The following SLC10A7 variants were observed in gnomAD, a reference collection of about 807,000 sequenced individuals.
SLC10A7 encodes the protein solute carrier family 10 member 7, also known as sodium/bile acid cotransporter 7.
Under a neutral mutation model 43.2 loss-of-function variants are expected in SLC10A7, and 29 were observed. The ratio of observed to expected loss-of-function variants is 0.67; its 90% CI spans 0.50 to 0.92. SLC10A7 has a LOEUF of 0.92. SLC10A7 is among the 40% of genes least tolerant of loss of function. The pLI is 0.00. For missense variants in SLC10A7, 295 were observed against 403.2 expected, an observed-to-expected ratio of 0.73 and a Z score of 2.30; for synonymous variants, 152 against 144.8, an observed-to-expected ratio of 1.05 and a Z score of -0.35.
At chr4:146,377,891 T>C (rs1579033819) in intron 5 of SLC10A7, among the ~76,000 whole-genome samples, 1 of 152,174 alleles carries the variant, frequency 6.6e-6, no homozygotes, top group East Asian at 1.9e-4. Context: ...TCAAACTTCA[T>C]AGGTTTATAT....
At chr4:146,277,511 C>G (rs1729282804) in intron 10 of SLC10A7, among the ~76,000 whole-genome samples, 2 of 152,122 alleles carry the variant, frequency 1.3e-5, no homozygotes, top group South Asian at 4.1e-4. Context: ...CAGACACTCC[C>G]TCACTTTTCT....
intron 6 of SLC10A7, among the ~76,000 whole-genome samples, chr4:146,318,984 C>T (rs993156054): frequency 4.6e-5 from 7 of 152,064 alleles, no homozygotes; most frequent in Non-Finnish European, 1.0e-4. Flanking sequence ...ATATCATTAG[C>T]TTTCTAACTG....
At chr4:146,299,417 G>A (rs1205784740) in intron 7 of SLC10A7, among the ~76,000 whole-genome samples, 1 of 152,130 alleles carries the variant, frequency 6.6e-6, no homozygotes, top group Non-Finnish European at 1.5e-5. Flanking sequence ...AAATAAACAA[G>A]AGGCAAAATA....
At chr4:146,415,557 C>T (rs992953507) in intron 5 of SLC10A7, among the ~76,000 whole-genome samples, 2 of 152,140 alleles carry the variant, frequency 1.3e-5, no homozygotes, top group African/African-American at 2.4e-5. Context: ...AGTCTGACTC[C>T]AGAACCAGTC....
At chr4:146,516,932 C>G (rs2357080) in intron 2 of SLC10A7, 106 bp downstream of exon 2, 187,520 of 800,006 alleles carry the variant, frequency 0.23, 25,078 homozygotes, top group East Asian at 0.47. Context: ...ATAGTGAATC[C>G]TTCAGATTAT....
At chr4:146,510,597 A>G (rs1240462294) in intron 2 of SLC10A7, among the ~76,000 whole-genome samples, 1 of 152,150 alleles carries the variant, frequency 6.6e-6, no homozygotes, top group Non-Finnish European at 1.5e-5. Context: ...TTTCTTTACA[A>G]TACACAATAA....
chr4:146,516,772 A>AAAGTAGATGCTTC (rs1738040229), intron 2 of SLC10A7, among the ~76,000 whole-genome samples: 1 of 152,104 alleles, frequency 6.6e-6, no homozygotes, highest in Non-Finnish European at 1.5e-5. Context: ...AGGAAGAACT[A>AAAGTAGATGCTTC]AAGTAGATGC....
chr4:146,335,194 A>G (rs888555116), intron 5 of SLC10A7, among the ~76,000 whole-genome samples: 2 of 147,136 alleles, frequency 1.4e-5, no homozygotes, highest in African/African-American at 5.0e-5. Context: ...AGAGCATTGT[A>G]ATAGAATGTT....
At chr4:146,286,068 AG>A (rs1451355489) in intron 9 of SLC10A7, among the ~76,000 whole-genome samples, 1 of 129,644 alleles carries the variant, frequency 7.7e-6, no homozygotes, top group Non-Finnish European at 1.6e-5. Flanking sequence ...CTGTGTTTGG[AG>A]TGGTGAGAAG....
At chr4:146,510,210 T>TA (rs1450108316) in intron 2 of SLC10A7, among the ~76,000 whole-genome samples, 161 bp from the exon 3 acceptor site, 2 of 151,976 alleles carry the variant, frequency 1.3e-5, no homozygotes, top group African/African-American at 2.4e-5. Context: ...GAATGCAAGA[T>TA]AAAAAAGTTA....
Position 146,475,543 on chromosome 4 carries a change from C to T in SLC10A7, c.396+28306G>A, listed in dbSNP as rs571585912. Among the ~76,000 whole-genome samples the T allele has an allele frequency of 6.4e-4, 98 of 152,246 alleles. 3 individuals are homozygous for T. The South Asian group carries it at 0.015, about 24-fold the overall frequency. ...ATTGCCCTTCTTGAGCAACATGCTA[C>T]GCACTGGAGAAAGGACACTCCCATT... is the stretch of plus-strand genomic sequence containing the variant. On this transcript the variant is annotated intron_variant, in intron 4 of 11. Transcript: ENST00000335472.
At chr4:146,378,484 G>C (rs1737369619) in intron 5 of SLC10A7, among the ~76,000 whole-genome samples, 1 of 152,132 alleles carries the variant, frequency 6.6e-6, no homozygotes, top group South Asian at 2.1e-4. Context: ...GGGTGCTAAG[G>C]ACAGCCTAGA....
intron 5 of SLC10A7, among the ~76,000 whole-genome samples, chr4:146,436,649 G>C (rs115520395): frequency 6.6e-6 from 1 of 151,986 alleles, no homozygotes; most frequent in Non-Finnish European, 1.5e-5. Context: ...CATGTGCACA[G>C]AGAATTAGTA....
chr4:146,284,258 T>G (rs1729737520), intron 9 of SLC10A7, among the ~76,000 whole-genome samples: 1 of 152,166 alleles, frequency 6.6e-6, no homozygotes, highest in African/African-American at 2.4e-5. Flanking sequence ...AGAAACTGAC[T>G]CCATCTATAC....
At chr4:146,347,047 G>C (rs1214249028) in intron 5 of SLC10A7, among the ~76,000 whole-genome samples, 1 of 152,126 alleles carries the variant, frequency 6.6e-6, no homozygotes, top group Non-Finnish European at 1.5e-5. Flanking sequence ...ACCCAACTGA[G>C]CGAGGGGTTT....
chr4:146,254,389 T>G lies in SLC10A7; in HGVS notation c.*2102A>C, dbSNP rs1348630351. ...CAAAATATTTTAAGCTCTGAATAAT[T>G]AAATCCCAATAAGCATGAATTAAAA... On this transcript the variant is annotated 3_prime_UTR_variant, in exon 12 of 12. Coordinates refer to ENST00000335472, the MANE Select transcript of SLC10A7 (RefSeq NM_001029998.6). 1 of 152,184 alleles carries G rather than the reference T, an allele frequency of 6.6e-6. No homozygotes were observed. Among genetic ancestry groups the G allele is most frequent in the Non-Finnish European group, 1.5e-5 (1 of 68,034 alleles). 9.4% of individuals were successfully genotyped at this position (152,184 alleles called of 1,614,324 possible). A position where few individuals can be genotyped will look rare whatever the true frequency, so the allele number is the denominator to read the frequency against.
At chr4:146,387,888 A>G (rs1004738650) in intron 5 of SLC10A7, among the ~76,000 whole-genome samples, 2 of 152,204 alleles carry the variant, frequency 1.3e-5, no homozygotes, top group Non-Finnish European at 2.9e-5. Flanking sequence ...GATCTCTACA[A>G]GGACAACTAC....
chr4:146,287,840 T>A (rs1026284981), intron 9 of SLC10A7, among the ~76,000 whole-genome samples: 1 of 152,238 alleles, frequency 6.6e-6, no homozygotes, highest in Admixed American at 6.5e-5. Context: ...AGTCTTGCAC[T>A]ACACTTTTCC....
intron 4 of SLC10A7, among the ~76,000 whole-genome samples, chr4:146,447,869 G>C (rs1355424963): frequency 6.6e-6 from 1 of 150,568 alleles, no homozygotes; most frequent in Non-Finnish European, 1.5e-5. Context: ...GTTCAATAAT[G>C]AATTAATTTC....
Sources: allele counts gnomAD v4.1 joint callset (sites outside exome capture counted in the v4.1 genomes callset), GRCh38; gene constraint gnomAD v4.1.1; transcripts MANE v1.5; gene names NCBI Gene and HGNC (gene_info 2026-07-23, HGNC 2026-07-21).